Variants in MDGA2 observed in about 807,000 individuals in gnomAD.
The protein encoded by MDGA2 is MAM domain-containing glycosylphosphatidylinositol anchor protein 2.
MDGA2 carries 40 observed loss-of-function variants against 117.8 expected under a neutral mutation model. The observed-to-expected ratio is 0.34, with a 90% CI of 0.26 to 0.44. MDGA2 has a LOEUF of 0.44. MDGA2 is among the 20% of genes least tolerant of loss of function. The pLI, the probability that MDGA2 is intolerant of heterozygous loss-of-function variation, is 1.00. For missense variants in MDGA2, 1,123 were observed against 1,250.6 expected, an observed-to-expected ratio of 0.90 and a Z score of 1.54; for synonymous variants, 452 against 439.0, an observed-to-expected ratio of 1.03 and a Z score of -0.37.
intron 10 of MDGA2, among the ~76,000 whole-genome samples, chr14:46,898,768 G>C (rs1883177001): frequency 6.6e-6 from 1 of 152,018 alleles, no homozygotes; most frequent in Admixed American, 6.6e-5. Context: ...ATGAGGTTTG[G>C]CAGGAAAATG....
intron 1 of MDGA2, among the ~76,000 whole-genome samples, chr14:47,556,548 A>G (rs912315343): frequency 5.9e-5 from 9 of 152,214 alleles, no homozygotes; most frequent in African/African-American, 2.2e-4. Context: ...GAGCAGAACA[A>G]CAGAGAAACT....
chr14:47,558,979 G>C (rs760070400), intron 1 of MDGA2, among the ~76,000 whole-genome samples: 2 of 152,052 alleles, frequency 1.3e-5, no homozygotes, highest in Non-Finnish European at 2.9e-5. Flanking sequence ...TTCTGCAAAA[G>C]AGCTTTATAT....
chr14:46,883,973 T>C (rs575550546), intron 10 of MDGA2, among the ~76,000 whole-genome samples: 7 of 152,242 alleles, frequency 4.6e-5, no homozygotes, highest in Non-Finnish European at 7.4e-5. Context: ...TGGTATCCTT[T>C]TTCATGGGGC....
At position 47,208,739 on chromosome 14, in the gene MDGA2, G is replaced by A. The variant is rs116118249; in HGVS notation, c.595+9282C>T. Among the ~76,000 whole-genome samples the A allele has an allele frequency of 7.2e-3, 1,093 of 151,888 alleles. 15 individuals carry two copies. Among genetic ancestry groups the A allele is most frequent in the African/African-American group, 0.025 (1,046 of 41,490 alleles). On this transcript the variant is annotated intron_variant, in intron 3 of 16. Transcript: ENST00000399232. The stretch of plus-strand genomic sequence containing the variant: ...GGGAATCCCACCTAGACAATGGACT[G>A]TGTTCTTAAGGGCCTTTTATTCAGT...
chr14:47,015,511 A>T (rs1425154610), intron 8 of MDGA2, among the ~76,000 whole-genome samples: 1 of 152,126 alleles, frequency 6.6e-6, no homozygotes, highest in Non-Finnish European at 1.5e-5. Context: ...CAATATGAAA[A>T]CATGGGGAAG....
chr14:47,117,626 T>G (rs1683083865), intron 5 of MDGA2, among the ~76,000 whole-genome samples: 1 of 152,154 alleles, frequency 6.6e-6, no homozygotes, highest in African/African-American at 2.4e-5. Context: ...TTCAGAACAT[T>G]ATGCTAAGTG....
At chr14:46,993,698 C>T (rs185733897) in intron 8 of MDGA2, among the ~76,000 whole-genome samples, 54 of 152,074 alleles carry the variant, frequency 3.6e-4, no homozygotes, top group Non-Finnish European at 6.2e-4. Context: ...TGGTCTCAAC[C>T]GATCCGCCAA....
chr14:47,276,029 A>C (rs1888301401), intron 2 of MDGA2, among the ~76,000 whole-genome samples: 1 of 152,140 alleles, frequency 6.6e-6, no homozygotes, highest in Non-Finnish European at 1.5e-5. Context: ...GCCAAGCAGA[A>C]ACTACTGGTG....
chr14:47,604,659 T>A (rs187359380), intron 1 of MDGA2, among the ~76,000 whole-genome samples: 40 of 152,128 alleles, frequency 2.6e-4, no homozygotes, highest in Non-Finnish European at 5.4e-4. Context: ...TTACTCTCTC[T>A]CAAATTTTAA....
At chr14:47,057,418 G>A (rs1407719398) in intron 7 of MDGA2, among the ~76,000 whole-genome samples, 1 of 151,826 alleles carries the variant, frequency 6.6e-6, no homozygotes, top group East Asian at 1.9e-4. Context: ...AACACAGAGT[G>A]TATATGTAGC....
intron 8 of MDGA2, among the ~76,000 whole-genome samples, chr14:46,964,545 C>T (rs1454158999): frequency 6.6e-6 from 1 of 152,152 alleles, no homozygotes; most frequent in Non-Finnish European, 1.5e-5. Flanking sequence ...TTTGCTAGAA[C>T]AACTTGAAAA....
chr14:47,657,130 C>G (rs1381066941), intron 1 of MDGA2, among the ~76,000 whole-genome samples: 1 of 152,104 alleles, frequency 6.6e-6, no homozygotes, highest in Non-Finnish European at 1.5e-5. Context: ...AAGTCATCCT[C>G]CACCTCCAAG....
At chr14:46,878,344 T>C (rs1341153793) in intron 11 of MDGA2, among the ~76,000 whole-genome samples, 3 of 152,022 alleles carry the variant, frequency 2.0e-5, no homozygotes, top group African/African-American at 4.8e-5. Context: ...AAGGACAGCA[T>C]TGATGTAATT....
At chr14:47,147,560 T>C (rs1882992346) in intron 3 of MDGA2, among the ~76,000 whole-genome samples, 1 of 152,150 alleles carries the variant, frequency 6.6e-6, no homozygotes, top group Non-Finnish European at 1.5e-5. Context: ...CTAGGAGACA[T>C]AACCTTGGGA....
intron 2 of MDGA2, among the ~76,000 whole-genome samples, chr14:47,294,942 T>C (rs1015558126): frequency 6.6e-5 from 10 of 152,168 alleles, no homozygotes; most frequent in African/African-American, 2.4e-4. Flanking sequence ...AAAATGCATT[T>C]ATACAACAAT....
chr14:47,481,097 T>C (rs1893945449), intron 1 of MDGA2, among the ~76,000 whole-genome samples: 1 of 151,950 alleles, frequency 6.6e-6, no homozygotes, highest in Non-Finnish European at 1.5e-5. Context: ...CCACAGCAAA[T>C]ACGAGTTAAC....
chr14:47,126,247 C>T (rs1347140158), intron 5 of MDGA2, among the ~76,000 whole-genome samples: 2 of 151,868 alleles, frequency 1.3e-5, no homozygotes, highest in Non-Finnish European at 2.9e-5. Context: ...GAGGTAAGCC[C>T]CCTTTTCATC....
intron 1 of MDGA2, among the ~76,000 whole-genome samples, chr14:47,578,330 T>C (rs1459724769): frequency 2.0e-5 from 3 of 152,126 alleles, no homozygotes; most frequent in African/African-American, 7.2e-5. Flanking sequence ...GATGACAGGT[T>C]GATAGGCCCA....
At chr14:46,989,728 T>C (rs575473046) in intron 8 of MDGA2, among the ~76,000 whole-genome samples, 5 of 152,188 alleles carry the variant, frequency 3.3e-5, no homozygotes, top group Admixed American at 6.6e-5. Context: ...ATATATATTC[T>C]ACACAATTAG....
Sources: gnomAD v4.1 joint callset for allele counts (sites outside exome capture counted in the v4.1 genomes callset) on GRCh38, gnomAD v4.1.1 for gene constraint, MANE v1.5 for transcripts, NCBI Gene and HGNC (gene_info 2026-07-23, HGNC 2026-07-21) for gene names.